Variants in RNF180 observed in about 807,000 individuals in gnomAD.
RNF180 encodes the protein ring finger protein 180.
RNF180 carries 38 observed loss-of-function variants against 59.2 expected under a neutral mutation model. The observed-to-expected ratio is 0.64, with a 90% CI of 0.50 to 0.84. RNF180 has a LOEUF of 0.84. Ranked by LOEUF, RNF180 falls within the 40% of genes least tolerant of loss-of-function variation. The probability of loss-of-function intolerance (pLI) is 0.00; values close to 1 mark genes in which losing one functional copy is unlikely to be tolerated. For synonymous variants in RNF180, 262 were observed against 240.3 expected, an observed-to-expected ratio of 1.09 and a Z score of -0.84; for missense variants, 705 against 700.9, an observed-to-expected ratio of 1.01 and a Z score of -0.07.
intron 1 of RNF180, among the ~76,000 whole-genome samples, chr5:64,196,425 T>G (rs1029289012): frequency 6.6e-6 from 1 of 152,094 alleles, no homozygotes; most frequent in Non-Finnish European, 1.5e-5. Flanking sequence ...GCTAGGGTGG[T>G]GTTTTTTGGT....
intron 1 of RNF180, among the ~76,000 whole-genome samples, chr5:64,191,595 AT>A (rs1417024470): frequency 1.3e-5 from 2 of 151,984 alleles, no homozygotes; most frequent in Non-Finnish European, 2.9e-5. Flanking sequence ...ATACAAACAT[AT>A]TTTTTCTGTT....
intron 1 of RNF180, among the ~76,000 whole-genome samples, chr5:64,181,894 G>A (rs1750605006): frequency 6.6e-6 from 1 of 151,676 alleles, no homozygotes; most frequent in African/African-American, 2.4e-5. Flanking sequence ...TGCAAATAGT[G>A]AAATATTTAA....
intron 1 of RNF180, among the ~76,000 whole-genome samples, chr5:64,169,944 G>T (rs1749850846): frequency 6.6e-6 from 1 of 152,222 alleles, no homozygotes; most frequent in African/African-American, 2.4e-5. Context: ...AAGGGTTAAT[G>T]CCTCTTGGCA....
chr5:64,252,935 C>T (rs147042799), intron 5 of RNF180, among the ~76,000 whole-genome samples: 1 of 152,058 alleles, frequency 6.6e-6, no homozygotes, highest in East Asian at 1.9e-4. Flanking sequence ...CGCCCCAGCA[C>T]ACACACACCT....
At chr5:64,174,046 G>C (rs576350513) in intron 1 of RNF180, among the ~76,000 whole-genome samples, 1 of 152,132 alleles carries the variant, frequency 6.6e-6, no homozygotes, top group Non-Finnish European at 1.5e-5. Flanking sequence ...ACATGAGTGA[G>C]ATTTTGCAGA....
Position 64,188,253 on chromosome 5 carries a change from A to G in RNF180, c.1-12555A>G, listed in dbSNP as rs75274121. The stretch of plus-strand genomic sequence containing the variant: ...TGTGTAACAATGAGATTTCCCTTAC[A>G]TTAAGGACATGCTATTTCTTTATAT... On this transcript the variant is annotated intron_variant, in intron 1 of 7. Transcript: ENST00000389100. 1.9e-3 allele frequency among the ~76,000 whole-genome samples: 291 copies of G among 152,226 alleles called. 1 individual carries two copies. The highest frequency in any genetic ancestry group is 6.6e-3 in the African/African-American group (275 of 41,544).
chr5:64,209,269 C>T (rs990772738), intron 2 of RNF180, among the ~76,000 whole-genome samples: 3 of 151,908 alleles, frequency 2.0e-5, no homozygotes, highest in African/African-American at 7.2e-5. Flanking sequence ...AACTGTGACT[C>T]CAGTGTTTAT....
At chr5:64,270,869 A>G (rs1427848826) in intron 5 of RNF180, among the ~76,000 whole-genome samples, 5 of 152,122 alleles carry the variant, frequency 3.3e-5, no homozygotes, top group Non-Finnish European at 7.4e-5. Flanking sequence ...TGAAAACAAG[A>G]AAGTGACCAA....
intron 5 of RNF180, among the ~76,000 whole-genome samples, chr5:64,238,562 G>A (rs1298600892): frequency 6.6e-6 from 1 of 151,964 alleles, no homozygotes; most frequent in Non-Finnish European, 1.5e-5. Context: ...ATCTCACTCT[G>A]GTTTTAATTT....
At chr5:64,362,447 C>T (rs1051899736) in intron 7 of RNF180, among the ~76,000 whole-genome samples, 16 of 151,854 alleles carry the variant, frequency 1.1e-4, no homozygotes, top group Admixed American at 8.6e-4. Flanking sequence ...CATAGTAATC[C>T]GTAGTGTATA....
intron 5 of RNF180, among the ~76,000 whole-genome samples, chr5:64,300,456 A>G (rs1743102652): frequency 6.6e-6 from 1 of 151,816 alleles, no homozygotes; most frequent in African/African-American, 2.4e-5. Context: ...TTTTTAATTT[A>G]CAATGGGTTA....
chr5:64,311,964 C>A (rs1743790751), intron 5 of RNF180, among the ~76,000 whole-genome samples: 1 of 151,980 alleles, frequency 6.6e-6, no homozygotes, highest in South Asian at 2.1e-4. Flanking sequence ...CTCTTTATTT[C>A]TTTGGATAGT....
chr5:64,326,757 G>A (rs576847474), intron 6 of RNF180, among the ~76,000 whole-genome samples: 32 of 152,222 alleles, frequency 2.1e-4, no homozygotes, highest in Admixed American at 1.8e-3. Flanking sequence ...TTTCATCAGG[G>A]CTATTGGACT....
At chr5:64,288,998 G>A (rs986525323) in intron 5 of RNF180, among the ~76,000 whole-genome samples, 2 of 152,172 alleles carry the variant, frequency 1.3e-5, no homozygotes, top group African/African-American at 4.8e-5. Flanking sequence ...TCCAGCTTTT[G>A]CCCATTCGGT....
Position 64,213,869 on chromosome 5 carries a change from A to C in RNF180, c.543A>C (p.Ala181=). 1.9e-6 allele frequency: 3 copies of C among 1,614,064 alleles called. No individual in the cohort carries two copies. The South Asian group carries it at 3.3e-5, about 18-fold the overall frequency. Residue 181 remains alanine (A), a synonymous_variant, in exon 4 of 8, where the codon GCA becomes GCC. Transcript: ENST00000389100. ...ATGACCCTGGAAGATTAACAGAAGCACTCTGCCTGGAGGTGCGACCAACAT... is the reference window on the plus strand; with the variant it reads ...ATGACCCTGGAAGATTAACAGAAGCCCTCTGCCTGGAGGTGCGACCAACAT... ...NNNDPGRLTE[A]LCLEVRPTYF...
chr5:64,240,509 A>T (rs1263790655), intron 5 of RNF180, among the ~76,000 whole-genome samples: 2 of 152,188 alleles, frequency 1.3e-5, no homozygotes, highest in Non-Finnish European at 2.9e-5. Context: ...TAACATGTGT[A>T]CCTGATATGC....
intron 6 of RNF180, 53 bp from the exon 7 acceptor site, chr5:64,330,228 G>T: frequency 8.2e-7 from 1 of 1,220,516 alleles, no homozygotes; most frequent in Non-Finnish European, 1.2e-6. Context: ...TCATTTTCTT[G>T]CCATTTTACT....
At chr5:64,316,561 G>A (rs925586436) in intron 5 of RNF180, among the ~76,000 whole-genome samples, 2 of 152,134 alleles carry the variant, frequency 1.3e-5, no homozygotes, top group South Asian at 4.1e-4. Flanking sequence ...AGGGTTTAAG[G>A]TAGTGACATT....
At chr5:64,354,418 A>G (rs1017851886) in intron 7 of RNF180, among the ~76,000 whole-genome samples, 1 of 151,852 alleles carries the variant, frequency 6.6e-6, no homozygotes, top group Admixed American at 6.6e-5. Flanking sequence ...AGAAAATCTC[A>G]ACAGAACTAT....
Sources: gnomAD v4.1 joint callset for allele counts (sites outside exome capture counted in the v4.1 genomes callset) on GRCh38, gnomAD v4.1.1 for gene constraint, MANE v1.5 for transcripts, NCBI Gene and HGNC (gene_info 2026-07-23, HGNC 2026-07-21) for gene names.